PTPRN2: variants seen among roughly 807,000 people sequenced by gnomAD.
The protein encoded by PTPRN2 is receptor-type tyrosine-protein phosphatase N2.
In PTPRN2, 74 loss-of-function variants were observed where a neutral mutation model predicts 118.8. The ratio of observed to expected loss-of-function variants is 0.62; its 90% confidence interval spans 0.52 to 0.76. The LOEUF (loss-of-function observed/expected upper bound fraction) is 0.76. Ranked by LOEUF, PTPRN2 falls within the 30% of genes least tolerant of loss-of-function variation. The probability of loss-of-function intolerance (pLI) is 0.00; values close to 1 mark genes in which losing one functional copy is unlikely to be tolerated. For synonymous variants in PTPRN2, 641 were observed against 608.0 expected, an observed-to-expected ratio of 1.05 and a Z score of -0.80; for missense variants, 1,481 against 1,394.4, an observed-to-expected ratio of 1.06 and a Z score of -0.99.
intron 1 of PTPRN2, among the ~76,000 whole-genome samples, chr7:158,537,873 G>T (rs1346806268): frequency 6.6e-6 from 1 of 152,222 alleles, no homozygotes; most frequent in East Asian, 1.9e-4. Context: ...ATTTATGAAT[G>T]TTCCTTTCCC....
chr7:158,377,298 G>A (rs115454497), intron 2 of PTPRN2, among the ~76,000 whole-genome samples: 2,609 of 152,288 alleles, frequency 0.017, 90 homozygotes, highest in African/African-American at 0.059. Context: ...CGCGGGGTCA[G>A]GGGATGCTCC....
intron 3 of PTPRN2, among the ~76,000 whole-genome samples, chr7:158,293,654 AACAAAC>A (rs1204115282): frequency 1.3e-5 from 2 of 152,202 alleles, no homozygotes; most frequent in Non-Finnish European, 2.9e-5. Flanking sequence ...CTTAGCTTAA[AACAAAC>A]ACATAGTACA....
Position 157,763,935 on chromosome 7 carries a change from A to G in PTPRN2, c.1789-80998T>C, listed in dbSNP as rs1802295788. On this transcript the variant is annotated intron_variant, in intron 12 of 22. Transcript: ENST00000389418. This position sits in a 1 kb window ranked among gnomAD's most constrained non-coding sequence, Gnocchi z 4.9. The stretch of plus-strand genomic sequence containing the variant: ...CTCATATTCAGTCTAACCTGTGACC[A>G]TTTTCCAAACACTCTCATGTTCGTT... Among the ~76,000 whole-genome samples the G allele has an allele frequency of 1.3e-5, 2 of 151,994 alleles. No homozygotes were observed. The highest frequency in any genetic ancestry group is 4.8e-5 in the African/African-American group (2 of 41,386).
At chr7:157,918,369 A>G (rs1175444775) in intron 11 of PTPRN2, among the ~76,000 whole-genome samples, 1 of 152,234 alleles carries the variant, frequency 6.6e-6, no homozygotes, top group Non-Finnish European at 1.5e-5. Flanking sequence ...ACCAAACTAT[A>G]ACATCATCCA....
intron 10 of PTPRN2, among the ~76,000 whole-genome samples, chr7:158,089,905 A>ACCTTCTTCC (rs1813937341): frequency 2.2e-5 from 1 of 44,882 alleles, no homozygotes; most frequent in African/African-American, 4.4e-5. Flanking sequence ...CTTCACACAA[A>ACCTTCTTCC]CCTGTCTTCC....
intron 12 of PTPRN2, among the ~76,000 whole-genome samples, chr7:157,726,074 AGAG>A (rs1799577650): frequency 7.5e-6 from 1 of 133,140 alleles, no homozygotes; most frequent in Non-Finnish European, 1.6e-5. Context: ...ATCCACACGC[AGAG>A]GAGTGTGGCC....
chr7:158,055,883 TTG>T (rs1292393053), intron 11 of PTPRN2, among the ~76,000 whole-genome samples: 3 of 152,272 alleles, frequency 2.0e-5, no homozygotes, highest in East Asian at 3.9e-4. Flanking sequence ...TCTTTTTGTC[TTG>T]TGTCTTTATT....
chr7:157,825,887 G>A (rs972451489), intron 12 of PTPRN2, among the ~76,000 whole-genome samples: 1 of 152,220 alleles, frequency 6.6e-6, no homozygotes, highest in African/African-American at 2.4e-5. Flanking sequence ...TCACTGTAGA[G>A]AGCTTCTGGA....
intron 17 of PTPRN2, among the ~76,000 whole-genome samples, chr7:157,589,397 G>A (rs1325901774): frequency 6.6e-6 from 1 of 152,220 alleles, no homozygotes; most frequent in Admixed American, 6.5e-5. Context: ...TTTCACTCAA[G>A]GTGGCCCCAT....
chr7:158,334,485 C>A (rs1362661539), intron 2 of PTPRN2, among the ~76,000 whole-genome samples: 1 of 80,898 alleles, frequency 1.2e-5, no homozygotes, highest in African/African-American at 4.1e-5. Flanking sequence ...CACACCCACA[C>A]ACGTCACTCA....
At chr7:158,274,016 A>G (rs1200524875) in intron 3 of PTPRN2, among the ~76,000 whole-genome samples, 1 of 133,238 alleles carries the variant, frequency 7.5e-6, no homozygotes, top group Non-Finnish European at 1.6e-5. Flanking sequence ...AGCCGCAGAC[A>G]CAGGGGGAGC....
chr7:158,449,350 G>A (rs546215006), intron 2 of PTPRN2, among the ~76,000 whole-genome samples: 75 of 152,342 alleles, frequency 4.9e-4, no homozygotes, highest in African/African-American at 1.6e-3. Flanking sequence ...GGCCCTCCCG[G>A]AGCAGCAGCA....
chr7:158,355,148 C>T (rs1010028071), intron 2 of PTPRN2, among the ~76,000 whole-genome samples: 24 of 152,176 alleles, frequency 1.6e-4, no homozygotes, highest in African/African-American at 5.8e-4. Context: ...CACCACCAAA[C>T]CCACCTTACA....
intron 13 of PTPRN2, among the ~76,000 whole-genome samples, chr7:157,681,945 G>A (rs1796932970): frequency 6.6e-6 from 1 of 152,142 alleles, no homozygotes; most frequent in Admixed American, 6.5e-5. Context: ...TTCCCAGATG[G>A]GAATATCTTC....
intron 10 of PTPRN2, among the ~76,000 whole-genome samples, chr7:158,103,704 C>T (rs931076316): frequency 2.0e-5 from 3 of 152,152 alleles, no homozygotes; most frequent in African/African-American, 7.2e-5. Flanking sequence ...TGCTCTGTGC[C>T]AGGTCAGTGC....
At chr7:157,802,714 T>G (rs1419672349) in intron 12 of PTPRN2, among the ~76,000 whole-genome samples, 1 of 152,148 alleles carries the variant, frequency 6.6e-6, no homozygotes, top group Non-Finnish European at 1.5e-5. Flanking sequence ...GTGTTCAGAG[T>G]CTACACATCC....
chr7:157,927,757 C>T (rs1799111443), intron 11 of PTPRN2, among the ~76,000 whole-genome samples: 1 of 152,058 alleles, frequency 6.6e-6, no homozygotes, highest in Admixed American at 6.5e-5. Context: ...TGCTTTACCT[C>T]CAAGCAGGAG....
chr7:157,540,483 T>C lies in PTPRN2; in HGVS notation c.*231A>G, dbSNP rs547502535. On this transcript the variant is annotated 3_prime_UTR_variant, in exon 23 of 23. Coordinates refer to ENST00000389418, the MANE Select transcript of PTPRN2 (RefSeq NM_002847.5). Reference sequence around the variant, plus strand: ...AGTATTTTTTTTAAGCAAGTGAAAATTGATGAACCGATTCCCCTCCACCCG... The same window carrying C: ...AGTATTTTTTTTAAGCAAGTGAAAACTGATGAACCGATTCCCCTCCACCCG... 197 of 397,828 alleles carry C rather than the reference T, an allele frequency of 5.0e-4. No homozygotes were observed. Among genetic ancestry groups the C allele is most frequent in the African/African-American group, 3.6e-3 (173 of 48,448 alleles). The allele number at this position is 397,828 out of a possible 1,614,324, so 24.6% of individuals were successfully genotyped here. A position where few individuals can be genotyped will look rare whatever the true frequency, so the allele number is the denominator to read the frequency against.
chr7:157,950,271 C>A (rs1223080898), intron 11 of PTPRN2, among the ~76,000 whole-genome samples: 1 of 152,138 alleles, frequency 6.6e-6, no homozygotes, highest in African/African-American at 2.4e-5. Flanking sequence ...CTAGCAAACG[C>A]CTGGTGGGAA....
Sources: gnomAD v4.1 joint callset for allele counts (sites outside exome capture counted in the v4.1 genomes callset) on GRCh38, gnomAD v4.1.1 for gene constraint, Gnocchi (gnomAD v3.1) non-coding constraint, MANE v1.5 for transcripts, NCBI Gene and HGNC (gene_info 2026-07-23, HGNC 2026-07-21) for gene names.